AGAP1: variants seen among roughly 807,000 people sequenced by gnomAD.
The protein encoded by AGAP1 is arf-GAP with GTPase, ANK repeat and PH domain-containing protein 1.
AGAP1 carries 29 observed loss-of-function variants against 105.3 expected under a neutral mutation model. That is an observed-to-expected ratio of 0.28 (90% CI 0.21 to 0.38). AGAP1 has a LOEUF of 0.38. Among genes scored for constraint, AGAP1 ranks in the 10% least tolerant of loss-of-function variants. The probability of loss-of-function intolerance (pLI) is 1.00; values close to 1 mark genes in which losing one functional copy is unlikely to be tolerated. For missense variants in AGAP1, 998 were observed against 1,165.1 expected (o/e 0.86, Z 2.09); for synonymous variants, 509 against 485.9 (o/e 1.05, Z -0.63).
At chr2:235,805,826 G>A (rs1159467021) in intron 8 of AGAP1, among the ~76,000 whole-genome samples, 1 of 152,154 alleles carries the variant, frequency 6.6e-6, no homozygotes, top group Non-Finnish European at 1.5e-5. Context: ...TTTATTCCCT[G>A]TCATCTCATT....
chr2:235,852,864 T>TA, intron 9 of AGAP1: 3 of 1,428,086 alleles, frequency 2.1e-6, no homozygotes, highest in Non-Finnish European at 2.8e-6. Context: ...CGGTGGGAGT[T>TA]AACATAGAGG....
rs1945537651 is a variant in AGAP1, at chr2:235,596,726, C to G, written c.163+101877C>G. Among the ~76,000 whole-genome samples the G allele has an allele frequency of 6.6e-6, 1 of 152,198 alleles. No individual in the cohort carries two copies. The highest frequency in any genetic ancestry group is 1.5e-5 in the Non-Finnish European group (1 of 68,028). ...GTCAATCAGCTTTCACTCTTCCTCT[C>G]TTGTGCCCCAGTCCTAGTGATGAGA... On this transcript the variant is annotated intron_variant, in intron 1 of 17. Transcript: ENST00000304032. The surrounding 1 kb of genome is among the most constrained non-coding windows in gnomAD (Gnocchi z 5.9).
rs1354154447 is a variant in AGAP1 at position 236,036,073 on chromosome 2, T to G, written c.1646-488T>G. On this transcript the variant is annotated intron_variant, in intron 13 of 17. Transcript: ENST00000304032. The surrounding 1 kb of genome is among the most constrained non-coding windows in gnomAD (Gnocchi z 5.7). Reference sequence around the variant, plus strand: ...GTCTGAAAACGTGGGAATTGATGCCTCTCCCACGGTAACAGGTCCTCTGCC... The same window carrying G: ...GTCTGAAAACGTGGGAATTGATGCCGCTCCCACGGTAACAGGTCCTCTGCC... 6.6e-6 allele frequency among the ~76,000 whole-genome samples: 1 copy of G among 152,056 alleles called. No homozygotes were observed.
intron 10 of AGAP1, among the ~76,000 whole-genome samples, chr2:235,907,923 G>A (rs2051386027): frequency 6.6e-6 from 1 of 152,078 alleles, no homozygotes; most frequent in Admixed American, 6.6e-5. Context: ...TTAAGATACT[G>A]TGTTTGCAGA....
Position 235,608,736 on chromosome 2 carries a change from T to C in AGAP1, c.164-100443T>C, listed in dbSNP as rs767149309. 1.3e-5 allele frequency among the ~76,000 whole-genome samples: 2 copies of C among 152,158 alleles called. No individual in the cohort carries two copies. The highest frequency in any genetic ancestry group is 2.9e-5 in the Non-Finnish European group (2 of 68,024). ...AAAATTGTTCTTCTCCTTCCTTTTT[T>C]AGTAGGGGAGAGAGGAGCAATTTTC... is the stretch of plus-strand genomic sequence containing the variant. On this transcript the variant is annotated intron_variant, in intron 1 of 17. Transcript: ENST00000304032. The surrounding 1 kb of genome is among the most constrained non-coding windows in gnomAD (Gnocchi z 5.4).
intron 1 of AGAP1, among the ~76,000 whole-genome samples, chr2:235,698,214 G>A (rs1189192845): frequency 1.3e-5 from 2 of 152,080 alleles, no homozygotes; most frequent in African/African-American, 2.4e-5. Flanking sequence ...GACAGGAGGC[G>A]GGGCTCAGGA....
chr2:235,674,108 C>T (rs1216361448), intron 1 of AGAP1, among the ~76,000 whole-genome samples: 1 of 152,192 alleles, frequency 6.6e-6, no homozygotes, highest in East Asian at 1.9e-4. Flanking sequence ...TTCTCTTGTA[C>T]TGTCTGGTCC....
At chr2:235,774,842 T>G (rs973055798) in intron 6 of AGAP1, among the ~76,000 whole-genome samples, 1 of 152,168 alleles carries the variant, frequency 6.6e-6, no homozygotes, top group African/African-American at 2.4e-5. Flanking sequence ...GGTGGGTTGA[T>G]CTGAGTGATT....
In AGAP1 at chr2:236,061,433, A is replaced by G. The variant is rs1463950308; in HGVS notation, c.2114+12152A>G. ...ACAGCAACATCATTCATAATAGCCA[A>G]AAAGTGAAAGTAACCCAGGTGTCCC... On this transcript the variant is annotated intron_variant, in intron 16 of 17. Transcript: ENST00000304032. The surrounding 1 kb of genome is among the most constrained non-coding windows in gnomAD (Gnocchi z 4.1). 6.6e-6 allele frequency among the ~76,000 whole-genome samples: 1 copy of G among 152,220 alleles called. No homozygotes were observed. Among genetic ancestry groups the G allele is most frequent in the Non-Finnish European group, 1.5e-5 (1 of 68,052 alleles).
rs976977313 is a variant in AGAP1 at position 235,988,210 on chromosome 2, T to C, written c.1645+19587T>C. 6.6e-6 allele frequency among the ~76,000 whole-genome samples: 1 copy of C among 152,114 alleles called. No homozygotes were observed. Among genetic ancestry groups the C allele is most frequent in the Non-Finnish European group, 1.5e-5 (1 of 68,032 alleles). Reference sequence around the variant, plus strand: ...GGTGCCCACCACCACGCCCAGCTAATTTTTGTGTTTTTAGTAGAGACAGGG... The same window carrying C: ...GGTGCCCACCACCACGCCCAGCTAACTTTTGTGTTTTTAGTAGAGACAGGG... On this transcript the variant is annotated intron_variant, in intron 13 of 17. Transcript: ENST00000304032. The surrounding 1 kb of genome is among the most constrained non-coding windows in gnomAD (Gnocchi z 4.7).
chr2:235,707,669 G>T lies in AGAP1; in HGVS notation c.164-1510G>T, dbSNP rs529990169. Reference sequence around the variant, plus strand: ...ACATGATGGGTTGTGCTCCCCCGGCGTGTGACTTGGTGGGACGTGCTCCCC... The same window carrying T: ...ACATGATGGGTTGTGCTCCCCCGGCTTGTGACTTGGTGGGACGTGCTCCCC... On this transcript the variant is annotated intron_variant, in intron 1 of 17. Coordinates refer to ENST00000304032, the MANE Select transcript of AGAP1 (RefSeq NM_001037131.3). Among the ~76,000 whole-genome samples, 118 of 70,588 alleles carry T rather than the reference G, an allele frequency of 1.7e-3. 1 individual carries two copies. The highest frequency in any genetic ancestry group is 3.4e-3 in the Non-Finnish European group (92 of 27,054). The allele number at this position is 70,588 out of a possible 152,430, so 46.3% of individuals were successfully genotyped here. A position where few individuals can be genotyped will look rare whatever the true frequency, so the allele number is the denominator to read the frequency against.
Position 235,830,465 on chromosome 2 carries a change from T to C in AGAP1, c.1050+23134T>C, listed in dbSNP as rs1959223302. On this transcript the variant is annotated intron_variant, in intron 9 of 17. Transcript: ENST00000304032. The surrounding 1 kb of genome is among the most constrained non-coding windows in gnomAD (Gnocchi z 5.5). ...GTTCCATTCATTGTTTTTCAAAGTATTCATTTCATTAAACATCCCATCAGA... is the reference window on the plus strand; with the variant it reads ...GTTCCATTCATTGTTTTTCAAAGTACTCATTTCATTAAACATCCCATCAGA... 6.6e-6 allele frequency among the ~76,000 whole-genome samples: 1 copy of C among 152,212 alleles called. No individual in the cohort carries two copies. Among genetic ancestry groups the C allele is most frequent in the South Asian group, 2.1e-4 (1 of 4,828 alleles).
At chr2:235,764,256 T>C (rs1954724573) in intron 6 of AGAP1, among the ~76,000 whole-genome samples, 2 of 152,188 alleles carry the variant, frequency 1.3e-5, no homozygotes, top group African/African-American at 2.4e-5. Context: ...TGGCTGTGTG[T>C]CGTTGGTGCT....
chr2:235,536,658 CACACACACACACACACACA>C (rs1943246246), intron 1 of AGAP1, among the ~76,000 whole-genome samples: 3 of 151,510 alleles, frequency 2.0e-5, no homozygotes, highest in Non-Finnish European at 4.4e-5. Context: ...CACACACACA[CACACACACACACACACACA>C]CCCCTTGCTT....
At chr2:235,999,422 T>C (rs1413431318) in intron 13 of AGAP1, among the ~76,000 whole-genome samples, 1 of 148,958 alleles carries the variant, frequency 6.7e-6, no homozygotes, top group East Asian at 2.0e-4. Flanking sequence ...GTGGTGATGA[T>C]GGTGAGAGGT....
chr2:235,807,398 T>G, intron 9 of AGAP1, 67 bp downstream of exon 9: 1 of 1,435,704 alleles, frequency 7.0e-7, no homozygotes, highest in Non-Finnish European at 9.4e-7. Context: ...CTGGAGATGA[T>G]GCTGGCTCTC....
In AGAP1 at chr2:235,549,106, C is replaced by T. The variant is rs1319636388; in HGVS notation, c.163+54257C>T. Among the ~76,000 whole-genome samples the T allele has an allele frequency of 6.6e-6, 1 of 152,222 alleles. No homozygotes were observed. Among genetic ancestry groups the T allele is most frequent in the Non-Finnish European group, 1.5e-5 (1 of 68,046 alleles). ...ACACAACCCCAGGGTACTTGGAGCTCATGCTAATGACTAAATCATTCAAGC... is the reference window on the plus strand; with the variant it reads ...ACACAACCCCAGGGTACTTGGAGCTTATGCTAATGACTAAATCATTCAAGC... On this transcript the variant is annotated intron_variant, in intron 1 of 17. Coordinates refer to ENST00000304032, the MANE Select transcript of AGAP1 (RefSeq NM_001037131.3). This position sits in a 1 kb window ranked among gnomAD's most constrained non-coding sequence, Gnocchi z 4.2.
rs974389868 is a variant in AGAP1, at chr2:236,042,195, A to G, written c.1891+1354A>G. Among the ~76,000 whole-genome samples, 1 of 152,092 alleles carries G rather than the reference A, an allele frequency of 6.6e-6. No individual in the cohort carries two copies. The highest frequency in any genetic ancestry group is 1.5e-5 in the Non-Finnish European group (1 of 68,020). ...CTGGAATAGAGGCAAAGCAGGGAGG[A>G]GGCCAGCCAGGGTCGGCTTGGCCGG... On this transcript the variant is annotated intron_variant, in intron 15 of 17. Coordinates refer to ENST00000304032, the MANE Select transcript of AGAP1 (RefSeq NM_001037131.3). The surrounding 1 kb of genome is among the most constrained non-coding windows in gnomAD (Gnocchi z 5.6).
At chr2:235,968,690 G>A (rs2054513544) in intron 13 of AGAP1, 67 bp downstream of exon 13, 3 of 1,518,300 alleles carry the variant, frequency 2.0e-6, no homozygotes, top group South Asian at 1.2e-5. Flanking sequence ...TTTTTCAAAT[G>A]CGTGAAATTA....
Sources: gnomAD v4.1 joint callset for allele counts (sites outside exome capture counted in the v4.1 genomes callset) on GRCh38, gnomAD v4.1.1 for gene constraint, Gnocchi (gnomAD v3.1) non-coding constraint, MANE v1.5 for transcripts, NCBI Gene and HGNC (gene_info 2026-07-23, HGNC 2026-07-21) for gene names.